The following USP6NL variants were observed in gnomAD, a reference collection of about 807,000 sequenced individuals.
The protein encoded by USP6NL is USP6 N-terminal like, also known as USP6 N-terminal-like protein.
Under a neutral mutation model 61.9 loss-of-function variants are expected in USP6NL, and 26 were observed. The ratio of observed to expected loss-of-function variants is 0.42; its 90% CI spans 0.31 to 0.58. USP6NL has a LOEUF of 0.58. Among genes scored for constraint, USP6NL ranks in the 20% least tolerant of loss-of-function variants. The pLI is 0.16. For missense variants in USP6NL, 1,114 were observed against 1,034.3 expected, an observed-to-expected ratio of 1.08 and a Z score of -1.06; for synonymous variants, 432 against 390.1, an observed-to-expected ratio of 1.11 and a Z score of -1.27.
At chr10:11,498,114 G>A (rs1217911413) in intron 7 of USP6NL, among the ~76,000 whole-genome samples, 1 of 150,846 alleles carries the variant, frequency 6.6e-6, no homozygotes, top group African/African-American at 2.4e-5. Context: ...GCGGGCACCT[G>A]TAATCCCAGC....
rs1838872433 is a variant in USP6NL, at chr10:11,611,018, G to T, written c.-84+425C>A. ...CCTCCCCTCGCCTGGTCCAAACAAA[G>T]TTCCGCGGCATCAAGGCAGTCATTT... On this transcript the variant is annotated intron_variant, in intron 1 of 14. Coordinates refer to ENST00000609104, the MANE Select transcript of USP6NL (RefSeq NM_014688.5). The surrounding 1 kb of genome is among the most constrained non-coding windows in gnomAD (Gnocchi z 5.3). Among the ~76,000 whole-genome samples the T allele has an allele frequency of 1.3e-5, 2 of 152,124 alleles. No individual in the cohort carries two copies. Among genetic ancestry groups the T allele is most frequent in the Admixed American group, 1.3e-4 (2 of 15,280 alleles).
At chr10:11,477,209 A>G (rs1231948973) in intron 14 of USP6NL, among the ~76,000 whole-genome samples, 4 of 152,218 alleles carry the variant, frequency 2.6e-5, no homozygotes, top group African/African-American at 9.6e-5. Context: ...GAAATAAACT[A>G]AGAAAATCAG....
intron 14 of USP6NL, among the ~76,000 whole-genome samples, chr10:11,480,010 C>T (rs944461011): frequency 1.3e-5 from 2 of 152,160 alleles, no homozygotes; most frequent in Non-Finnish European, 2.9e-5. Context: ...GGCAGATGGT[C>T]GTGCTAGAAA....
intron 5 of USP6NL, among the ~76,000 whole-genome samples, chr10:11,517,792 C>A (rs1835019333): frequency 1.3e-5 from 2 of 152,150 alleles, no homozygotes; most frequent in Non-Finnish European, 2.9e-5. Context: ...CCTTCATTAC[C>A]TGAAATTCAG....
rs1836568436 is a variant in USP6NL at position 11,553,444 on chromosome 10, G to A, written c.5-25877C>T. ...CAGAAATAATATATAACTCACTTAC[G>A]AGACTACTCACTCAGGTGACCTGTT... On this transcript the variant is annotated intron_variant, in intron 2 of 14. Coordinates refer to ENST00000609104, the MANE Select transcript of USP6NL (RefSeq NM_014688.5). The surrounding 1 kb of genome is among the most constrained non-coding windows in gnomAD (Gnocchi z 4.8). Among the ~76,000 whole-genome samples the A allele has an allele frequency of 6.6e-6, 1 of 152,250 alleles. No individual in the cohort carries two copies. Among genetic ancestry groups the A allele is most frequent in the South Asian group, 2.1e-4 (1 of 4,830 alleles).
intron 14 of USP6NL, among the ~76,000 whole-genome samples, chr10:11,467,342 A>C (rs1566112394): frequency 6.6e-6 from 1 of 152,240 alleles, no homozygotes; most frequent in Non-Finnish European, 1.5e-5. Flanking sequence ...AATACTTCTA[A>C]ATTGGTATAT....
intron 2 of USP6NL, among the ~76,000 whole-genome samples, chr10:11,568,032 T>C (rs565734434): frequency 2.6e-5 from 4 of 152,208 alleles, no homozygotes; most frequent in Admixed American, 2.6e-4. Context: ...CACGTAACTG[T>C]GGATCAGCTT....
In USP6NL at chr10:11,532,280, G is replaced by T; in HGVS notation, c.5-4713C>A. ...ATTTCATTATTATTTTATAGTTCTC[G>T]AACACACCAAGAGTGCTGCCCGGCG... On this transcript the variant is annotated intron_variant, in intron 2 of 14. Transcript: ENST00000609104. This position sits in a 1 kb window ranked among gnomAD's most constrained non-coding sequence, Gnocchi z 4.1. The T allele has an allele frequency of 6.5e-7, 1 of 1,527,382 alleles. No homozygotes were observed. The highest frequency in any genetic ancestry group is 8.9e-7 in the Non-Finnish European group (1 of 1,129,330). 94.6% of individuals were successfully genotyped at this position (1,527,382 alleles called of 1,614,324 possible).
intron 2 of USP6NL, among the ~76,000 whole-genome samples, chr10:11,576,950 T>C (rs1164077675): frequency 6.6e-6 from 1 of 152,162 alleles, no homozygotes; most frequent in African/African-American, 2.4e-5. Flanking sequence ...TAGGTAGAAA[T>C]GATATTTTTC....
intron 2 of USP6NL, among the ~76,000 whole-genome samples, chr10:11,586,313 GAAAAAACTGAGCCATCTTAAATGACCA>G (rs1449044172): frequency 9.7e-5 from 13 of 133,498 alleles, no homozygotes; most frequent in South Asian, 2.3e-4. Flanking sequence ...CCAGTTTAAT[GAAAAAACTGAGCCATCTTAAATGACCA>G]AAAAAACTGA....
intron 5 of USP6NL, among the ~76,000 whole-genome samples, chr10:11,517,853 C>A (rs1326191596): frequency 1.3e-5 from 2 of 152,168 alleles, no homozygotes; most frequent in Admixed American, 6.5e-5. Flanking sequence ...CCAGTCAATA[C>A]CCCCACTTTC....
At position 11,485,916 on chromosome 10, in the gene USP6NL, A is replaced by G. The variant is rs1833447866; in HGVS notation, c.665-5T>C. 1.3e-6 allele frequency: 2 copies of G among 1,533,918 alleles called. No homozygotes were observed. Among genetic ancestry groups the G allele is most frequent in the African/African-American group, 2.8e-5 (2 of 72,268 alleles). On this transcript the variant is annotated splice_region_variant and splice_polypyrimidine_tract_variant and intron_variant, in intron 10 of 14. Transcript: ENST00000609104. This position sits in a 1 kb window ranked among gnomAD's most constrained non-coding sequence, Gnocchi z 4.8. ...GAAAACCTTGGACAAAAAAGCCTAG[A>G]ATACAAACATAAAAACAACATTTCA...
At chr10:11,505,679 TA>T (rs113507359) in intron 6 of USP6NL, among the ~76,000 whole-genome samples, 14 of 150,836 alleles carry the variant, frequency 9.3e-5, no homozygotes, top group Non-Finnish European at 1.3e-4. Flanking sequence ...TCTATGGACT[TA>T]AAAAAAAAAT....
At chr10:11,527,185 TG>T (rs911008159) in intron 3 of USP6NL, among the ~76,000 whole-genome samples, 1 of 152,040 alleles carries the variant, frequency 6.6e-6, no homozygotes, top group African/African-American at 2.4e-5. Context: ...CGATAGCATC[TG>T]GGCAAAGATC....
At chr10:11,582,940 T>C (rs7913897) in intron 2 of USP6NL, among the ~76,000 whole-genome samples, 15,823 of 148,838 alleles carry the variant, frequency 0.11, 1,350 homozygotes, top group East Asian at 0.43. Flanking sequence ...GTATCTAGTA[T>C]GTAAGAGGTA....
rs372721793 is a variant in USP6NL, at chr10:11,489,134, T to A, written c.632A>T (p.Lys211Ile). The change falls in exon 10 of 15, where the codon AAA (lysine) becomes ATA (isoleucine). Residue 211 changes from lysine (K) to isoleucine (I), a missense_variant. By Grantham distance (102) the Lys-to-Ile change is moderately radical. Transcript: ENST00000609104. The surrounding 1 kb of genome is among the most constrained non-coding windows in gnomAD (Gnocchi z 5.7). ...GGCATGTTTAGGGCCTGAGAAGAGTTTGACCAGGGCCCAGAAGGCATCTTC... is the reference window on the plus strand; with the variant it reads ...GGCATGTTTAGGGCCTGAGAAGAGTATGACCAGGGCCCAGAAGGCATCTTC... ...NEEDAFWALV[K>I]LFSGPKHAMH... is the part of the protein sequence containing the mutation. 1 of 1,613,972 alleles carries A rather than the reference T, an allele frequency of 6.2e-7. No individual in the cohort carries two copies. Among genetic ancestry groups the A allele is most frequent in the Non-Finnish European group, 8.5e-7 (1 of 1,179,846 alleles).
rs116846886 is a variant in USP6NL, at chr10:11,499,019, A to G, written c.384+2082T>C. On this transcript the variant is annotated intron_variant, in intron 7 of 14. Coordinates refer to ENST00000609104, the MANE Select transcript of USP6NL (RefSeq NM_014688.5). This position sits in a 1 kb window ranked among gnomAD's most constrained non-coding sequence, Gnocchi z 4.5. ...CCACCCACAGAGCTTTATGGGGACA[A>G]GAAAGGACAAACAGGCCACCAGGGG... is the stretch of plus-strand genomic sequence containing the variant. Among the ~76,000 whole-genome samples the G allele has an allele frequency of 0.01, 1,529 of 152,326 alleles. 12 individuals carry two copies. Among genetic ancestry groups the G allele is most frequent in the Non-Finnish European group, 0.016 (1,071 of 68,040 alleles).
intron 14 of USP6NL, among the ~76,000 whole-genome samples, chr10:11,480,759 T>C (rs970350896): frequency 6.6e-6 from 1 of 152,244 alleles, no homozygotes; most frequent in South Asian, 2.1e-4. Flanking sequence ...GACACACTGA[T>C]GGGGAAACGC....
intron 2 of USP6NL, among the ~76,000 whole-genome samples, chr10:11,577,738 T>C (rs1292199016): frequency 6.6e-6 from 1 of 151,926 alleles, no homozygotes; most frequent in African/African-American, 2.4e-5. Flanking sequence ...TGACCTCAGG[T>C]GACCCGCCTG....
Sources: allele counts gnomAD v4.1 joint callset (sites outside exome capture counted in the v4.1 genomes callset), GRCh38; gene constraint gnomAD v4.1.1; non-coding constraint Gnocchi (gnomAD v3.1); transcripts MANE v1.5; gene names NCBI Gene and HGNC (gene_info 2026-07-23, HGNC 2026-07-21).